ROBO2: variants seen among roughly 807,000 people sequenced by gnomAD.
ROBO2 encodes roundabout homolog 2.
ROBO2 carries 53 observed loss-of-function variants against 160.8 expected under a neutral mutation model. The observed-to-expected ratio is 0.33, with a 90% CI of 0.26 to 0.41. The LOEUF is 0.41. Ranked by LOEUF, ROBO2 falls within the 10% of genes least tolerant of loss-of-function variation. The pLI is 1.00. For synonymous variants in ROBO2, 664 were observed against 611.7 expected (o/e 1.09, Z -1.26); for missense variants, 1,577 against 1,722.4 (o/e 0.92, Z 1.49).
At chr3:76,796,418 GAAA>G (rs200368632) in intron 2 of ROBO2, among the ~76,000 whole-genome samples, 2 of 132,762 alleles carry the variant, frequency 1.5e-5, no homozygotes, top group African/African-American at 5.5e-5. Context: ...TCACAGGAAG[GAAA>G]AAAAAAAGAA....
At chr3:77,616,819 T>C (rs2094789659) in intron 21 of ROBO2, among the ~76,000 whole-genome samples, 1 of 152,188 alleles carries the variant, frequency 6.6e-6, no homozygotes, top group Non-Finnish European at 1.5e-5. Flanking sequence ...TTTAAAATAA[T>C]TGTCATATTT....
At chr3:76,714,049 T>C (rs1421149392) in intron 2 of ROBO2, among the ~76,000 whole-genome samples, 1 of 152,084 alleles carries the variant, frequency 6.6e-6, no homozygotes, top group Non-Finnish European at 1.5e-5. Context: ...TGTTCAGAAA[T>C]AGGGCGGCCT....
intron 24 of ROBO2, 117 bp downstream of exon 26, chr3:77,643,060 T>C (rs1477522943): frequency 5.2e-6 from 2 of 387,836 alleles, no homozygotes; most frequent in Admixed American, 3.0e-5. Flanking sequence ...TCAATCGTAA[T>C]GGAATTTGGA....
At chr3:76,239,178 G>C (rs568697500) in intron 2 of ROBO2, among the ~76,000 whole-genome samples, 1 of 151,556 alleles carries the variant, frequency 6.6e-6, no homozygotes, top group Non-Finnish European at 1.5e-5. Flanking sequence ...TAGTTATAGA[G>C]ATAGAGAGAA....
chr3:77,491,309 G>A (rs529944211), intron 4 of ROBO2, among the ~76,000 whole-genome samples: 47 of 152,250 alleles, frequency 3.1e-4, no homozygotes, highest in African/African-American at 1.1e-3. Flanking sequence ...AACAGGAAAG[G>A]TCTCCTCTTG....
intron 2 of ROBO2, among the ~76,000 whole-genome samples, chr3:76,671,978 T>C (rs1287853477): frequency 2.0e-5 from 3 of 152,144 alleles, no homozygotes; most frequent in South Asian, 2.1e-4. Flanking sequence ...GAATAAACTA[T>C]GGTTTCTGCC....
chr3:77,176,284 C>A (rs2080145053), intron 2 of ROBO2, among the ~76,000 whole-genome samples: 1 of 151,928 alleles, frequency 6.6e-6, no homozygotes, highest in African/African-American at 2.4e-5. Flanking sequence ...TACAGATAAC[C>A]TTTAACAATG....
At chr3:76,372,584 G>A (rs2076159034) in intron 2 of ROBO2, among the ~76,000 whole-genome samples, 2 of 151,868 alleles carry the variant, frequency 1.3e-5, no homozygotes, top group African/African-American at 4.8e-5. Flanking sequence ...TCTACTTCGG[G>A]TTAGCTGATG....
chr3:76,239,176 G>A (rs1233768265), intron 2 of ROBO2, among the ~76,000 whole-genome samples: 4 of 151,568 alleles, frequency 2.6e-5, no homozygotes, highest in African/African-American at 9.7e-5. Context: ...GGTAGTTATA[G>A]AGATAGAGAG....
intron 2 of ROBO2, among the ~76,000 whole-genome samples, chr3:76,417,202 C>T (rs982326718): frequency 2.6e-5 from 4 of 152,090 alleles, no homozygotes; most frequent in African/African-American, 9.7e-5. Context: ...AAGATATTGC[C>T]ATAGAAATAA....
intron 2 of ROBO2, among the ~76,000 whole-genome samples, chr3:76,823,210 C>A (rs1156391151): frequency 6.6e-6 from 1 of 152,024 alleles, no homozygotes; most frequent in African/African-American, 2.4e-5. Flanking sequence ...TGATGGATTC[C>A]TTGCTTTCTG....
At chr3:76,560,324 G>A (rs1279651153) in intron 2 of ROBO2, among the ~76,000 whole-genome samples, 1 of 151,940 alleles carries the variant, frequency 6.6e-6, no homozygotes, top group Non-Finnish European at 1.5e-5. Flanking sequence ...TATGTTGCAT[G>A]AGACCAAGTT....
intron 2 of ROBO2, among the ~76,000 whole-genome samples, chr3:76,423,192 A>G (rs1559921684): frequency 6.6e-6 from 1 of 152,212 alleles, no homozygotes; most frequent in Admixed American, 6.5e-5. Context: ...ATGAACAGGA[A>G]GAGGATGAAA....
At chr3:77,396,526 A>G (rs1251419869) in intron 2 of ROBO2, among the ~76,000 whole-genome samples, 1 of 152,150 alleles carries the variant, frequency 6.6e-6, no homozygotes, top group Non-Finnish European at 1.5e-5. Context: ...ATTATGCAGA[A>G]TCATTAAATT....
At chr3:77,546,072 C>G (rs1370489378) in intron 6 of ROBO2, among the ~76,000 whole-genome samples, 1 of 152,070 alleles carries the variant, frequency 6.6e-6, no homozygotes, top group East Asian at 1.9e-4. Flanking sequence ...ATTTAAAAAT[C>G]TAATTTTCTA....
chr3:77,598,440 T>C (rs1335911254), intron 19 of ROBO2, among the ~76,000 whole-genome samples: 1 of 147,642 alleles, frequency 6.8e-6, no homozygotes, highest in Non-Finnish European at 1.5e-5. Context: ...GATGAATATA[T>C]ATATATATTT....
chr3:75,989,506 T>C (rs2065506384), intron 2 of ROBO2, among the ~76,000 whole-genome samples: 1 of 152,168 alleles, frequency 6.6e-6, no homozygotes, highest in South Asian at 2.1e-4. Context: ...AGCTCAAAAA[T>C]GACTGTTTTC....
intron 2 of ROBO2, among the ~76,000 whole-genome samples, chr3:76,051,496 G>A (rs2067651732): frequency 6.6e-6 from 1 of 152,128 alleles, no homozygotes; most frequent in South Asian, 2.1e-4. Context: ...CAGGTAAAAT[G>A]CTGAAATAAG....
chr3:77,586,879 T>C (rs1199010293), intron 16 of ROBO2, among the ~76,000 whole-genome samples: 1 of 149,338 alleles, frequency 6.7e-6, no homozygotes, highest in Non-Finnish European at 1.5e-5. Flanking sequence ...AATATATGTA[T>C]AATAATTAAA....
Sources: gnomAD v4.1 joint callset for allele counts (sites outside exome capture counted in the v4.1 genomes callset) on GRCh38, gnomAD v4.1.1 for gene constraint, MANE v1.5 for transcripts, NCBI Gene and HGNC (gene_info 2026-07-23, HGNC 2026-07-21) for gene names.